Variants in MTHFD1L observed in about 807,000 individuals in gnomAD.
MTHFD1L encodes the protein monofunctional C1-tetrahydrofolate synthase, mitochondrial.
A neutral mutation model predicts 119.5 loss-of-function variants in MTHFD1L; 81 were observed. The ratio of observed to expected loss-of-function variants is 0.68; its 90% confidence interval spans 0.57 to 0.82. The LOEUF is 0.82. Ranked by LOEUF, MTHFD1L falls within the 40% of genes least tolerant of loss-of-function variation. The pLI, the probability that MTHFD1L is intolerant of heterozygous loss-of-function variation, is 0.00. For missense variants in MTHFD1L, 1,125 were observed against 1,253.4 expected (o/e 0.90, Z 1.55); for synonymous variants, 430 against 475.2 (o/e 0.90, Z 1.24).
chr6:150,998,995 A>AAAAAAAAAATGTATAT (rs986639098), intron 20 of MTHFD1L, among the ~76,000 whole-genome samples: 19 of 143,662 alleles, frequency 1.3e-4, no homozygotes, highest in South Asian at 4.4e-4. Flanking sequence ...GTCTTAAAAA[A>AAAAAAAAAATGTATAT]ATATATATAC....
chr6:151,056,461 C>A (rs527380777), intron 26 of MTHFD1L, among the ~76,000 whole-genome samples: 1 of 152,332 alleles, frequency 6.6e-6, no homozygotes, highest in African/African-American at 2.4e-5. Context: ...CCTGCTTGGG[C>A]AATGATGCCT....
chr6:150,874,729 A>C (rs1292889432), intron 1 of MTHFD1L, among the ~76,000 whole-genome samples: 4 of 151,438 alleles, frequency 2.6e-5, no homozygotes, highest in Admixed American at 1.3e-4. Context: ...GCAGTCACTC[A>C]TCCCAGAAGG....
intron 19 of MTHFD1L, among the ~76,000 whole-genome samples, chr6:150,967,612 C>T (rs888514862): frequency 1.3e-5 from 2 of 152,182 alleles, no homozygotes; most frequent in Non-Finnish European, 2.9e-5. Context: ...TGAAACCTTC[C>T]CAGTCATTCA....
Position 150,877,812 on chromosome 6 carries a change from A to G in MTHFD1L, c.403A>G (p.Ser135Gly). 2 of 1,614,232 alleles carry G rather than the reference A, an allele frequency of 1.2e-6. No homozygotes were observed. Among genetic ancestry groups the G allele is most frequent in the Non-Finnish European group, 1.7e-6 (2 of 1,180,052 alleles). The stretch of plus-strand genomic sequence containing the variant: ...CACTCACATTTGCCTCCCTCCAGAT[A>G]GCAGTGAAGCCGAGGTAATAATGGC... The part of the protein sequence containing the change: ...NITHICLPPD[S>G]SEAEIIDEIL... The change falls in exon 4 of 28, where the codon AGC (serine) becomes GGC (glycine). Residue 135 changes from serine to glycine, a missense_variant. This residue lies in a region of MTHFD1L where 1,058 missense variants were observed against 1,151.2 expected (regional missense o/e 0.92). Transcript: ENST00000367321.
At chr6:150,910,490 G>C (rs1335836573) in intron 8 of MTHFD1L, among the ~76,000 whole-genome samples, 1 of 151,394 alleles carries the variant, frequency 6.6e-6, no homozygotes, top group Non-Finnish European at 1.5e-5. Context: ...TTGAACCCAG[G>C]AGGTGGAGGT....
At chr6:150,963,721 G>A (rs1044301818) in intron 18 of MTHFD1L, among the ~76,000 whole-genome samples, 6 of 152,142 alleles carry the variant, frequency 3.9e-5, no homozygotes, top group Admixed American at 1.3e-4. Context: ...ACTGTTTTCC[G>A]ATGCTATGTA....
intron 26 of MTHFD1L, among the ~76,000 whole-genome samples, chr6:151,046,852 TATAGTGGGA>T: frequency 6.6e-6 from 1 of 152,082 alleles, no homozygotes; most frequent in East Asian, 1.9e-4. Flanking sequence ...AGTTTGAGGG[TATAGTGGGA>T]AGCCTGAATA....
chr6:151,055,868 A>T (rs1479430599), intron 26 of MTHFD1L: 1 of 152,198 alleles, frequency 6.6e-6, no homozygotes, highest in Non-Finnish European at 1.5e-5. Context: ...CCTATCAGTT[A>T]CTGTAAGTAA....
intron 16 of MTHFD1L, among the ~76,000 whole-genome samples, chr6:150,955,732 T>C (rs892813296): frequency 6.6e-6 from 1 of 152,120 alleles, no homozygotes; most frequent in African/African-American, 2.4e-5. Flanking sequence ...ACTCCTGACC[T>C]CAAACGATCC....
chr6:150,998,612 C>T (rs543739878), intron 20 of MTHFD1L, among the ~76,000 whole-genome samples: 1 of 150,070 alleles, frequency 6.7e-6, no homozygotes, highest in Admixed American at 6.7e-5. Context: ...GAAAATTCCA[C>T]ACCTGATCTC....
rs1262286098 is a variant in MTHFD1L at position 150,934,874 on chromosome 6, G to A, written c.1257-1930G>A. 33 of 1,432,130 alleles carry A rather than the reference G, an allele frequency of 2.3e-5. No individual in the cohort carries two copies. The South Asian group carries it at 3.3e-4, about 14-fold the overall frequency. 88.7% of individuals were successfully genotyped at this position (1,432,130 alleles called of 1,614,324 possible). A position where few individuals can be genotyped will look rare whatever the true frequency, so the allele number is the denominator to read the frequency against. ...CTCATTTGGACCCAAACTCCAGATCGGGAGCAGTCTTATAGCTGGATCAGC... is the reference window on the plus strand; with the variant it reads ...CTCATTTGGACCCAAACTCCAGATCAGGAGCAGTCTTATAGCTGGATCAGC... On this transcript the variant is annotated intron_variant, in intron 11 of 27. Coordinates refer to ENST00000367321, the MANE Select transcript of MTHFD1L (RefSeq NM_015440.5).
intron 26 of MTHFD1L, among the ~76,000 whole-genome samples, chr6:151,083,821 G>C (rs971771698): frequency 6.6e-6 from 1 of 152,122 alleles, no homozygotes; most frequent in South Asian, 2.1e-4. Flanking sequence ...AGAGTAGCAA[G>C]CCTGTTATTT....
chr6:151,086,976 G>A (rs568809969), intron 26 of MTHFD1L, among the ~76,000 whole-genome samples: 2 of 152,118 alleles, frequency 1.3e-5, no homozygotes, highest in Non-Finnish European at 2.9e-5. Context: ...TCAGCCAGGC[G>A]CAATTGCTCA....
chr6:150,930,246 A>G (rs1790801557), intron 11 of MTHFD1L, among the ~76,000 whole-genome samples: 2 of 152,304 alleles, frequency 1.3e-5, no homozygotes, highest in South Asian at 2.1e-4. Context: ...AAAAAATACA[A>G]ACAAACAGCA....
At position 151,101,666 on chromosome 6, in the gene MTHFD1L, A is replaced by G. The variant is rs1795377105; in HGVS notation, c.*172A>G. 1 of 152,642 alleles carries G rather than the reference A, an allele frequency of 6.6e-6. No homozygotes were observed. The highest frequency in any genetic ancestry group is 6.5e-5 in the Admixed American group (1 of 15,274). The allele number at this position is 152,642 out of a possible 1,614,324, so 9.5% of individuals were successfully genotyped here. A position where few individuals can be genotyped will look rare whatever the true frequency, so the allele number is the denominator to read the frequency against. ...TTCGTTCAAGATGAATTCTGTTCAC[A>G]GTGGAGTATGGTGTTCGGCAAAAGG... On this transcript the variant is annotated 3_prime_UTR_variant, in exon 28 of 28. Transcript: ENST00000367321.
chr6:151,062,435 A>G (rs1330303206), intron 26 of MTHFD1L, among the ~76,000 whole-genome samples: 1 of 151,924 alleles, frequency 6.6e-6, no homozygotes, highest in Admixed American at 6.6e-5. Flanking sequence ...CTCCATCTCA[A>G]AAAAAAAGAC....
chr6:150,930,363 G>T (rs1445010620), intron 11 of MTHFD1L, among the ~76,000 whole-genome samples: 1 of 152,050 alleles, frequency 6.6e-6, no homozygotes, highest in Non-Finnish European at 1.5e-5. Flanking sequence ...AGCGTTAGGG[G>T]GAAATGACTG....
At chr6:151,022,104 C>T (rs2128504443) in intron 24 of MTHFD1L, 1 of 470,492 alleles carries the variant, frequency 2.1e-6, no homozygotes, top group South Asian at 1.5e-5. Context: ...GAGCCGCAGC[C>T]AGCTCTGCTG....
chr6:150,986,680 G>T (rs1276952643), intron 20 of MTHFD1L, among the ~76,000 whole-genome samples: 1 of 152,178 alleles, frequency 6.6e-6, no homozygotes, highest in African/African-American at 2.4e-5. Context: ...CCTTACAGGG[G>T]CTGCAGACCA....
Sources: gnomAD v4.1 joint callset for allele counts (sites outside exome capture counted in the v4.1 genomes callset) on GRCh38, gnomAD v4.1.1 for gene constraint, gnomAD v4.1.1 regional missense constraint, MANE v1.5 for transcripts, NCBI Gene and HGNC (gene_info 2026-07-23, HGNC 2026-07-21) for gene names.